Variants in SRI observed in about 807,000 individuals in gnomAD.
SRI encodes the protein sorcin, also known as 22 kDa protein.
A neutral mutation model predicts 33.3 loss-of-function variants in SRI; 30 were observed. The ratio of observed to expected loss-of-function variants is 0.90; its 90% CI spans 0.67 to 1.22. The LOEUF is 1.22. SRI is among the 50% of genes most tolerant of loss of function. The pLI is 0.00. For missense variants in SRI, 243 were observed against 250.8 expected (o/e 0.97, Z 0.21); for synonymous variants, 75 against 89.9 (o/e 0.83, Z 0.94).
At chr7:88,211,199 T>C (rs1288500879) in intron 3 of SRI, among the ~76,000 whole-genome samples, 3 of 152,202 alleles carry the variant, frequency 2.0e-5, no homozygotes, top group Non-Finnish European at 4.4e-5. Context: ...ACGCCTGTAA[T>C]CCCAGCACTT....
chr7:88,208,894 G>C (rs112604479), intron 6 of SRI: 176 of 335,546 alleles, frequency 5.2e-4, no homozygotes, highest in African/African-American at 3.6e-3. Context: ...CGAATTTCTA[G>C]CTTCTTAATA....
At position 88,210,148 on chromosome 7, in the gene SRI, A is replaced by T; in HGVS notation, c.250-18T>A. 6.2e-7 allele frequency: 1 copy of T among 1,613,974 alleles called. No individual in the cohort carries two copies. The highest frequency in any genetic ancestry group is 8.5e-7 in the Non-Finnish European group (1 of 1,179,878). On this transcript the variant is annotated intron_variant, in intron 4 of 7. Coordinates refer to ENST00000265729, the MANE Select transcript of SRI (RefSeq NM_003130.4). ...ATATCTCTCTGAACTGTAATCAAGG[A>T]TTAGAGCTGTATTTTGCGATATTTT...
intron 4 of SRI, 33 bp downstream of exon 4, chr7:88,210,849 A>C: frequency 6.2e-7 from 1 of 1,602,886 alleles, no homozygotes; most frequent in Non-Finnish European, 8.5e-7. Context: ...TTTAGAAAAA[A>C]TTATTCTAGA....
At chr7:88,211,820 AG>A (rs1296232435) in intron 3 of SRI, among the ~76,000 whole-genome samples, 1 of 152,232 alleles carries the variant, frequency 6.6e-6, no homozygotes, top group Admixed American at 6.5e-5. Flanking sequence ...GCCACTATTC[AG>A]AAGCCTTTTT....
chr7:88,221,013 C>T (rs1331416312), upstream of SRI, among the ~76,000 whole-genome samples: 1 of 152,146 alleles, frequency 6.6e-6, no homozygotes, highest in Non-Finnish European at 1.5e-5. Context: ...CAGAAAATTG[C>T]TTGCCCTTCA....
At position 88,210,919 on chromosome 7, in the gene SRI, T is replaced by C; in HGVS notation, c.212A>G (p.Asn71Ser). ...SGIAGGYKPF[N>S]LETCRLMVSM... ...AACCATAAGCCGGCAAGTCTCCAGG[T>C]TAAAAGCTGTTAAATCAAGAAAAGT... The change falls in exon 4 of 8, where the codon AAC becomes AGC. Residue 71 changes from asparagine to serine, a missense_variant. By Grantham distance (46) the Asn-to-Ser change is conservative (BLOSUM62 1). Transcript: ENST00000265729. 1 of 1,613,442 alleles carries C rather than the reference T, an allele frequency of 6.2e-7. No homozygotes were observed. Among genetic ancestry groups the C allele is most frequent in the Non-Finnish European group, 8.5e-7 (1 of 1,179,626 alleles).
intron 5 of SRI, 35 bp downstream of exon 5, chr7:88,209,948 C>A (rs1466447755): frequency 1.2e-6 from 2 of 1,613,846 alleles, no homozygotes; most frequent in Non-Finnish European, 1.7e-6. Flanking sequence ...CTTACTTCTA[C>A]CAATGAATGG....
upstream of SRI, among the ~76,000 whole-genome samples, chr7:88,222,607 A>G (rs1282575200): frequency 3.3e-5 from 5 of 152,182 alleles, no homozygotes; most frequent in African/African-American, 9.7e-5. Context: ...CTATACTACA[A>G]GGCTACAGTA....
intron 7 of SRI, chr7:88,207,987 CAA>C (rs878930622): frequency 1.8e-4 from 22 of 122,262 alleles, no homozygotes; most frequent in African/African-American, 3.7e-4. Context: ...GACTCCATCT[CAA>C]AAAAAAAAAA....
At chr7:88,219,622 T>A (rs940211443) in intron 1 of SRI, 1 of 339,120 alleles carries the variant, frequency 2.9e-6, no homozygotes, top group Non-Finnish European at 5.2e-6. Flanking sequence ...TGACTGTTGT[T>A]GCTCTGGGAG....
intron 3 of SRI, among the ~76,000 whole-genome samples, chr7:88,213,132 C>T (rs571737700): frequency 6.9e-4 from 105 of 152,268 alleles, no homozygotes; most frequent in African/African-American, 2.3e-3. Flanking sequence ...CCACTGTCTC[C>T]TTAGTTAGCA....
At chr7:88,210,206 G>C in intron 4 of SRI, 76 bp from the exon 5 acceptor site, 1 of 1,494,590 alleles carries the variant, frequency 6.7e-7, no homozygotes, top group Non-Finnish European at 9.3e-7. Flanking sequence ...AGGATAAGGG[G>C]AATTCAATAT....
intron 7 of SRI, 108 bp from the exon 8 acceptor site, chr7:88,206,612 C>G: frequency 8.2e-7 from 1 of 1,218,562 alleles, no homozygotes. Flanking sequence ...GGTAAAACAA[C>G]CCCTACAACT....
intron 7 of SRI, chr7:88,208,237 A>G (rs1586710824): frequency 1.5e-6 from 1 of 657,160 alleles, no homozygotes; most frequent in South Asian, 4.4e-5. Flanking sequence ...CACAGCAATT[A>G]AGAAACCTGC....
Position 88,206,367 on chromosome 7 carries a change from G to A in SRI, c.*111C>T, listed in dbSNP as rs1290315431. The A allele has an allele frequency of 7.9e-7, 1 of 1,258,052 alleles. No individual in the cohort carries two copies. 77.9% of individuals were successfully genotyped at this position (1,258,052 alleles called of 1,614,324 possible). A position where few individuals can be genotyped will look rare whatever the true frequency, so the allele number is the denominator to read the frequency against. On this transcript the variant is annotated 3_prime_UTR_variant, in exon 8 of 8. Coordinates refer to ENST00000265729, the MANE Select transcript of SRI (RefSeq NM_003130.4). ...TAAAGTAATAAACTTTACAACAGCT[G>A]TTAAGAGAAAGTCGTGATGTAAGTT...
intron 2 of SRI, 43 bp downstream of exon 2, chr7:88,218,816 T>C (rs1340991009): frequency 1.9e-6 from 3 of 1,585,426 alleles, no homozygotes; most frequent in Admixed American, 3.3e-5. Flanking sequence ...CTACCACAAA[T>C]GCAGACAATA....
At chr7:88,221,612 G>A (rs1851889432), upstream of SRI, among the ~76,000 whole-genome samples, 1 of 152,174 alleles carries the variant, frequency 6.6e-6, no homozygotes, top group South Asian at 2.1e-4. Context: ...AATTAGCTTC[G>A]TGGATAAACG....
At chr7:88,214,447 A>C (rs1851657777) in intron 3 of SRI, among the ~76,000 whole-genome samples, 1 of 152,214 alleles carries the variant, frequency 6.6e-6, no homozygotes, top group Admixed American at 6.5e-5. Flanking sequence ...TTTTGTGAGA[A>C]GGATCTGAAA....
At chr7:88,219,671 G>A (rs1851834315) in intron 1 of SRI, among the ~76,000 whole-genome samples, 1 of 151,998 alleles carries the variant, frequency 6.6e-6, no homozygotes, top group Admixed American at 6.6e-5. Flanking sequence ...GTGGGGGTCA[G>A]CCAACACCCA....
Sources: allele counts gnomAD v4.1 joint callset (sites outside exome capture counted in the v4.1 genomes callset), GRCh38; gene constraint gnomAD v4.1.1; transcripts MANE v1.5; gene names NCBI Gene and HGNC (gene_info 2026-07-23, HGNC 2026-07-21).